Variants in RBM18 observed in about 807,000 individuals in gnomAD.
RBM18 encodes the protein RNA binding motif protein 18.
A neutral mutation model predicts 26.4 loss-of-function variants in RBM18; 18 were observed. The observed-to-expected ratio is 0.68, with a 90% confidence interval of 0.47 to 1.01. RBM18 has a LOEUF of 1.01. Among genes scored for constraint, RBM18 ranks in the 50% least tolerant of loss-of-function variants. The pLI is 0.00. For missense variants in RBM18, 180 were observed against 219.2 expected, an observed-to-expected ratio of 0.82 and a Z score of 1.13; for synonymous variants, 74 against 81.1, an observed-to-expected ratio of 0.91 and a Z score of 0.47.
intron 3 of RBM18, 43 bp from the exon 4 acceptor site, chr9:122,247,647 T>C (rs757940792): frequency 6.8e-7 from 1 of 1,461,088 alleles, no homozygotes; most frequent in South Asian, 1.1e-5. Flanking sequence ...ACTGAAATGC[T>C]TAACTAGCTA....
At chr9:122,247,663 A>AT in intron 3 of RBM18, 59 bp from the exon 4 acceptor site, 2 of 1,305,568 alleles carry the variant, frequency 1.5e-6, no homozygotes, top group Non-Finnish European at 2.2e-6. Context: ...AGCTATATGT[A>AT]TTCTCACAGG....
chr9:122,257,052 C>T (rs1831708406), intron 2 of RBM18, among the ~76,000 whole-genome samples: 1 of 152,204 alleles, frequency 6.6e-6, no homozygotes, highest in Non-Finnish European at 1.5e-5. Flanking sequence ...TTTCTGGCAT[C>T]TAACATAGCC....
Position 122,238,477 on chromosome 9 carries a change from TGA to T in RBM18, c.*3405_*3406del, listed in dbSNP as rs1048244847. The T allele has an allele frequency of 2.0e-5, 3 of 152,188 alleles. No individual in the cohort carries two copies. Among genetic ancestry groups the T allele is most frequent in the South Asian group, 2.1e-4 (1 of 4,836 alleles). The allele number at this position is 152,188 out of a possible 1,614,324, so 9.4% of individuals were successfully genotyped here. On this transcript the variant is annotated 3_prime_UTR_variant, in exon 6 of 6. Coordinates refer to ENST00000417201, the MANE Select transcript of RBM18 (RefSeq NM_033117.4). ...CATTTGAGCAGAGACATGAGTCAGG[TGA>T]GAGAGCGGGCTCTGCGGCTATCTGG...
At chr9:122,243,930 C>A (rs1831463976) in intron 5 of RBM18, 1 of 909,208 alleles carries the variant, frequency 1.1e-6, no homozygotes, top group Admixed American at 6.2e-5. Flanking sequence ...ATATACAAAT[C>A]ATAAGAAACT....
At chr9:122,247,238 C>G (rs557521526) in intron 4 of RBM18, among the ~76,000 whole-genome samples, 1 of 152,114 alleles carries the variant, frequency 6.6e-6, no homozygotes, top group Non-Finnish European at 1.5e-5. Context: ...ACCCTCCACC[C>G]GAAGAAATGA....
chr9:122,250,373 A>G (rs991538321), intron 3 of RBM18, among the ~76,000 whole-genome samples: 3 of 152,256 alleles, frequency 2.0e-5, no homozygotes, highest in Admixed American at 2.0e-4. Context: ...AGCTGTAAAA[A>G]TACTCACTCT....
chr9:122,264,398 G>T (rs1349751833), intron 1 of RBM18, among the ~76,000 whole-genome samples: 6 of 152,168 alleles, frequency 3.9e-5, no homozygotes, highest in Admixed American at 3.9e-4. Flanking sequence ...CACAAAACGC[G>T]GTTACATTTG....
At position 122,238,818 on chromosome 9, in the gene RBM18, T is replaced by A. The variant is rs1040051044; in HGVS notation, c.*3066A>T. On this transcript the variant is annotated 3_prime_UTR_variant, in exon 6 of 6. Transcript: ENST00000417201. ...ATCAATAGCAGAGGCAGGGAGATAA[T>A]TAGGAAGGTATTGTAATAGTCCAGG... 2 of 152,124 alleles carry A rather than the reference T, an allele frequency of 1.3e-5. No individual in the cohort carries two copies. Among genetic ancestry groups the A allele is most frequent in the Admixed American group, 1.3e-4 (2 of 15,272 alleles). 9.4% of individuals were successfully genotyped at this position (152,124 alleles called of 1,614,324 possible). A position where few individuals can be genotyped will look rare whatever the true frequency, so the allele number is the denominator to read the frequency against.
intron 4 of RBM18, among the ~76,000 whole-genome samples, chr9:122,246,853 C>T (rs570820009): frequency 3.3e-5 from 5 of 152,182 alleles, no homozygotes; most frequent in Admixed American, 6.6e-5. Context: ...CTCTTGGGAA[C>T]GCTCCAGTCA....
At position 122,247,514 on chromosome 9, in the gene RBM18, G is replaced by A. The variant is rs778613040; in HGVS notation, c.327+4C>T. The A allele has an allele frequency of 5.0e-6, 8 of 1,612,806 alleles. No individual in the cohort carries two copies. The highest frequency in any genetic ancestry group is 2.2e-5 in the South Asian group (2 of 91,064). ...TTGATGTCTTTCTAGCCTCTCAGAC[G>A]TACCTTTACTTGAGCATGTGCCCAT... On this transcript the variant is annotated splice_donor_region_variant and intron_variant, in intron 4 of 5. Coordinates refer to ENST00000417201, the MANE Select transcript of RBM18 (RefSeq NM_033117.4).
chr9:122,248,291 T>C (rs1831539360), intron 3 of RBM18, among the ~76,000 whole-genome samples: 1 of 152,186 alleles, frequency 6.6e-6, no homozygotes. Context: ...ATGAAGTATA[T>C]GATATGCACT....
rs1831429166 is a variant in RBM18, at chr9:122,241,989, A to T, written c.468T>A (p.Asn156Lys). The T allele has an allele frequency of 1.3e-5, 21 of 1,613,850 alleles. No homozygotes were observed. The highest frequency in any genetic ancestry group is 1.7e-5 in the Non-Finnish European group (20 of 1,179,990). The change falls in exon 6 of 6, where the codon AAT becomes AAA. Residue 156 changes from asparagine (N) to lysine (K), a missense_variant. By Grantham distance (94) the Asn-to-Lys change is moderately conservative (BLOSUM62 0). Transcript: ENST00000417201. ...GCGCTGCTGGATACTCTGCATCAGG[A>T]TTTTCCGCCATCATTTTCAGTTTTG... is the stretch of plus-strand genomic sequence containing the variant. ...IEAKLKMMAE[N>K]PDAEYPAAPV...
At chr9:122,249,218 C>A (rs765556781) in intron 3 of RBM18, among the ~76,000 whole-genome samples, 15 of 151,920 alleles carry the variant, frequency 9.9e-5, no homozygotes, top group South Asian at 2.1e-4. Context: ...TTCATCTATT[C>A]TCCCAACTTC....
intron 2 of RBM18, among the ~76,000 whole-genome samples, chr9:122,258,696 T>A (rs887429974): frequency 6.6e-6 from 1 of 151,792 alleles, no homozygotes; most frequent in African/African-American, 2.4e-5. Flanking sequence ...TCCCAACACT[T>A]TGGGAGGCTG....
intron 1 of RBM18, among the ~76,000 whole-genome samples, chr9:122,264,014 G>A (rs1340058937): frequency 6.6e-6 from 1 of 152,140 alleles, no homozygotes; most frequent in Non-Finnish European, 1.5e-5. Flanking sequence ...CTAATTCAAT[G>A]TATTACTTAA....
Position 122,239,876 on chromosome 9 carries a change from A to G in RBM18, c.*2008T>C, listed in dbSNP as rs1831385164. 1 of 152,206 alleles carries G rather than the reference A, an allele frequency of 6.6e-6. No individual in the cohort carries two copies. Among genetic ancestry groups the G allele is most frequent in the South Asian group, 2.1e-4 (1 of 4,832 alleles). 9.4% of individuals were successfully genotyped at this position (152,206 alleles called of 1,614,324 possible). On this transcript the variant is annotated 3_prime_UTR_variant, in exon 6 of 6. Coordinates refer to ENST00000417201, the MANE Select transcript of RBM18 (RefSeq NM_033117.4). ...CTCTCAGTTTGACTCTCTAGCCAGAACCCTCTGCAGAGAAGGCACTTAGAA... is the reference window on the plus strand; with the variant it reads ...CTCTCAGTTTGACTCTCTAGCCAGAGCCCTCTGCAGAGAAGGCACTTAGAA...
intron 1 of RBM18, chr9:122,264,460 G>A (rs1831915963): frequency 6.6e-6 from 1 of 152,238 alleles, no homozygotes; most frequent in African/African-American, 2.4e-5. Context: ...GTCATCTGGG[G>A]AAAGTGCAAT....
chr9:122,243,571 A>G (rs900712208), intron 5 of RBM18, among the ~76,000 whole-genome samples: 24 of 152,228 alleles, frequency 1.6e-4, no homozygotes, highest in African/African-American at 5.8e-4. Flanking sequence ...GGGAGTAGGT[A>G]TTTTTTGGCC....
intron 3 of RBM18, among the ~76,000 whole-genome samples, chr9:122,248,235 G>A: frequency 6.6e-6 from 1 of 152,116 alleles, no homozygotes; most frequent in Admixed American, 6.5e-5. Flanking sequence ...TAGATAATAT[G>A]GATACTTATT....
Sources: gnomAD v4.1 joint callset for allele counts (sites outside exome capture counted in the v4.1 genomes callset) on GRCh38, gnomAD v4.1.1 for gene constraint, MANE v1.5 for transcripts, NCBI Gene and HGNC (gene_info 2026-07-23, HGNC 2026-07-21) for gene names.